The following KCNT1 variants were observed in gnomAD, a reference collection of about 807,000 sequenced individuals.
KCNT1 encodes potassium sodium-activated channel subfamily T member 1, also known as potassium channel subfamily T member 1.
KCNT1 carries 78 observed loss-of-function variants against 147.8 expected under a neutral mutation model. The ratio of observed to expected loss-of-function variants is 0.53; its 90% CI spans 0.44 to 0.64. The LOEUF (loss-of-function observed/expected upper bound fraction) is 0.64, where lower values mean the gene tolerates loss of function less well. Among genes scored for constraint, KCNT1 ranks in the 30% least tolerant of loss-of-function variants. The pLI is 0.00. For synonymous variants in KCNT1, 867 were observed against 748.8 expected (o/e 1.16, Z -2.58); for missense variants, 1,419 against 1,750.3 (o/e 0.81, Z 3.38).
At chr9:135,720,586 G>A (rs370339962) in intron 2 of KCNT1, among the ~76,000 whole-genome samples, 203 of 152,166 alleles carry the variant, frequency 1.3e-3, no homozygotes, top group African/African-American at 4.6e-3. Context: ...GAAGAAGCAG[G>A]GGGCCCAGGC....
At chr9:135,747,584 C>G (rs551348751) in intron 2 of KCNT1, among the ~76,000 whole-genome samples, 1 of 152,286 alleles carries the variant, frequency 6.6e-6, no homozygotes, top group African/African-American at 2.4e-5. Flanking sequence ...GGACAGACCC[C>G]CCAAAGAGAC....
In KCNT1 at chr9:135,714,530, G is replaced by T. The variant is rs1302498376; in HGVS notation, c.111-47G>T. ...GGCGGGCCGGGGGCTGCGCGCGTCC[G>T]CGAGGGCGCCCGACGCGGGCTGAGG... is the stretch of plus-strand genomic sequence containing the variant. On this transcript the variant is annotated intron_variant, in intron 1 of 30. Transcript: ENST00000371757. This position sits in a 1 kb window ranked among gnomAD's most constrained non-coding sequence, Gnocchi z 6.2. 7 of 1,016,858 alleles carry T rather than the reference G, an allele frequency of 6.9e-6. No homozygotes were observed. Among genetic ancestry groups the T allele is most frequent in the Non-Finnish European group, 8.2e-6 (7 of 851,518 alleles). 63.0% of individuals were successfully genotyped at this position (1,016,858 alleles called of 1,614,324 possible).
At chr9:135,778,911 G>C (rs540073364) in intron 23 of KCNT1, 89 bp downstream of exon 23, 3 of 1,435,234 alleles carry the variant, frequency 2.1e-6, no homozygotes, top group Non-Finnish European at 2.8e-6. Flanking sequence ...CCACGACCAC[G>C]GGCCCTCGCC....
chr9:135,732,024 A>AGAGAGAGGGAGG (rs1554766189), intron 2 of KCNT1, among the ~76,000 whole-genome samples: 16 of 65,116 alleles, frequency 2.5e-4, no homozygotes, highest in Non-Finnish European at 3.5e-4. Flanking sequence ...AGAGAGAGAG[A>AGAGAGAGGGAGG]GAGAGAGAGA....
chr9:135,763,487 C>A (rs1199591631), intron 11 of KCNT1, among the ~76,000 whole-genome samples: 1 of 152,206 alleles, frequency 6.6e-6, no homozygotes, highest in Non-Finnish European at 1.5e-5. Context: ...TATGTATCCT[C>A]CGCCAGCCCT....
rs188552809 is a variant in KCNT1 at position 135,713,979 on chromosome 9, C to G, written c.111-598C>G. On this transcript the variant is annotated intron_variant, in intron 1 of 30. Transcript: ENST00000371757. The stretch of plus-strand genomic sequence containing the variant: ...GGGCCCAGAGGGCCTGGCAGCCCCC[C>G]GGGGTTCTGACCTGAGCTGAGCTGC... 4.3e-3 allele frequency among the ~76,000 whole-genome samples: 649 copies of G among 152,256 alleles called. 2 individuals carry two copies. The highest frequency in any genetic ancestry group is 0.013 in the African/African-American group (554 of 41,550).
At position 135,746,056 on chromosome 9, in the gene KCNT1, C is replaced by T. The variant is rs145672428; in HGVS notation, c.255-4042C>T. ...CGTGACTCGTGAAGACAGATCGCAC[C>T]AGTCACCTGAAATACACTGCAGGGG... On this transcript the variant is annotated intron_variant, in intron 2 of 30. Transcript: ENST00000371757. 3.0e-3 allele frequency among the ~76,000 whole-genome samples: 460 copies of T among 152,394 alleles called. 2 individuals are homozygous for T. The highest frequency in any genetic ancestry group is 6.8e-3 in the Middle Eastern group (2 of 294).
chr9:135,775,962 A>G (rs1377242664), intron 20 of KCNT1, among the ~76,000 whole-genome samples: 8 of 151,198 alleles, frequency 5.3e-5, no homozygotes, highest in Admixed American at 4.6e-4. Flanking sequence ...ATATTTTTGC[A>G]GAGCAGGGAC....
intron 19 of KCNT1, among the ~76,000 whole-genome samples, chr9:135,774,033 C>T (rs190293082): frequency 0.012 from 1,727 of 145,244 alleles, 15 homozygotes; most frequent in Non-Finnish European, 0.019. Flanking sequence ...GGGGTGTGTC[C>T]GGTGTGTGTG....
Position 135,792,360 on chromosome 9 carries a change from T to G in KCNT1, c.*199T>G, listed in dbSNP as rs948736480. 2 of 593,502 alleles carry G rather than the reference T, an allele frequency of 3.4e-6. No individual in the cohort carries two copies. The highest frequency in any genetic ancestry group is 3.2e-5 in the Admixed American group (1 of 31,192). 36.8% of individuals were successfully genotyped at this position (593,502 alleles called of 1,614,324 possible). A position where few individuals can be genotyped will look rare whatever the true frequency, so the allele number is the denominator to read the frequency against. On this transcript the variant is annotated 3_prime_UTR_variant, in exon 31 of 31. Coordinates refer to ENST00000371757, the MANE Select transcript of KCNT1 (RefSeq NM_020822.3). ...TCACCCCTGGGCACCTGCAGGCTAG[T>G]GAGGAGAGTTTTTTAACCTATTTTT... is the stretch of plus-strand genomic sequence containing the variant.
Position 135,772,720 on chromosome 9 carries a change from G to A in KCNT1, c.2014G>A (p.Val672Met), listed in dbSNP as rs1228569469. The change falls in exon 19 of 31, where the codon GTG becomes ATG. Residue 672 changes from valine to methionine, a missense_variant. Around this residue, in one of 5 missense-constraint regions of KCNT1, gnomAD observed 284 missense variants for 292.8 expected, o/e 0.97. Coordinates refer to ENST00000371757, the MANE Select transcript of KCNT1 (RefSeq NM_020822.3). ...VHSIIASMGT[V>M]AMDLQGTEHR... is the part of the protein sequence containing the mutation. ...AGCACAGGGCTCTCTTCCAGGGACA[G>A]TGGCCATGGACCTGCAGGGCACAGA... is the stretch of plus-strand genomic sequence containing the variant. 2.1e-6 allele frequency: 3 copies of A among 1,397,750 alleles called. No homozygotes were observed. Among genetic ancestry groups the A allele is most frequent in the Non-Finnish European group, 2.8e-6 (3 of 1,072,544 alleles). The allele number at this position is 1,397,750 out of a possible 1,614,324, so 86.6% of individuals were successfully genotyped here.
At chr9:135,775,703 T>A (rs949041229) in intron 20 of KCNT1, among the ~76,000 whole-genome samples, 1 of 152,120 alleles carries the variant, frequency 6.6e-6, no homozygotes, top group Admixed American at 6.6e-5. Flanking sequence ...TTTCCCCTAA[T>A]ACATCTACAT....
intron 1 of KCNT1, among the ~76,000 whole-genome samples, chr9:135,710,620 C>G (rs1367272094): frequency 1.3e-5 from 2 of 152,312 alleles, no homozygotes; most frequent in East Asian, 3.9e-4. Flanking sequence ...TGTGTCTCCC[C>G]ACTCTCTGTC....
At chr9:135,716,887 G>A (rs552808317) in intron 2 of KCNT1, among the ~76,000 whole-genome samples, 1 of 152,206 alleles carries the variant, frequency 6.6e-6, no homozygotes, top group Non-Finnish European at 1.5e-5. Context: ...TTAGAGCTTC[G>A]GGGCTGTGTG....
intron 4 of KCNT1, among the ~76,000 whole-genome samples, chr9:135,753,167 G>A (rs1831289549): frequency 1.3e-5 from 2 of 152,140 alleles, no homozygotes; most frequent in Admixed American, 6.5e-5. Context: ...AAAGATGGAT[G>A]GGTGGATGGA....
At chr9:135,711,237 G>C (rs1448140900) in intron 1 of KCNT1, among the ~76,000 whole-genome samples, 1 of 152,206 alleles carries the variant, frequency 6.6e-6, no homozygotes, top group Non-Finnish European at 1.5e-5. Context: ...AGCCTTTGGC[G>C]GGAGAAGCTT....
In KCNT1 at chr9:135,784,077, C is replaced by T. The variant is rs776550763; in HGVS notation, c.2895C>T (p.Ala965=). The T allele has an allele frequency of 6.8e-6, 11 of 1,606,066 alleles. No homozygotes were observed. Among genetic ancestry groups the T allele is most frequent in the South Asian group, 2.2e-5 (2 of 91,086 alleles). ...NLAFMFRLPF[A]AGRVFSISML... is the part of the protein sequence containing the mutation. ...CCTTCATGTTCCGCCTGCCGTTCGC[C>T]GCCGGCCGCGTCTTCAGCATCAGCA... The change falls in exon 25 of 31, where the codon GCC becomes GCT. Residue 965 remains alanine, a synonymous_variant. Coordinates refer to ENST00000371757, the MANE Select transcript of KCNT1 (RefSeq NM_020822.3).
rs1317190673 is a variant in KCNT1 at position 135,770,861 on chromosome 9, G to A, written c.1774G>A (p.Gly592Ser). 6.4e-7 allele frequency: 1 copy of A among 1,567,534 alleles called. No homozygotes were observed. The highest frequency in any genetic ancestry group is 8.7e-7 in the Non-Finnish European group (1 of 1,155,250). Residue 592 changes from glycine (G) to serine (S), a missense_variant, in exon 18 of 31, where the codon GGC becomes AGC. Gly to Ser is a moderately conservative substitution (Grantham distance 56). Around this residue, in one of 5 missense-constraint regions of KCNT1, gnomAD observed 284 missense variants for 292.8 expected, o/e 0.97. Transcript: ENST00000371757. ...YAAFHAHKKY[G>S]VCLIGLKRED... ...GTTGCCGGTGCCTCTGCCCAGGTAT[G>A]GCGTGTGCCTCATCGGGCTGAAGCG...
At chr9:135,783,319 A>C (rs1161864966) in intron 24 of KCNT1, among the ~76,000 whole-genome samples, 1 of 152,224 alleles carries the variant, frequency 6.6e-6, no homozygotes, top group Non-Finnish European at 1.5e-5. Flanking sequence ...CGGCCAGCTC[A>C]GAAGAGGGAA....
Sources: gnomAD v4.1 joint callset for allele counts (sites outside exome capture counted in the v4.1 genomes callset) on GRCh38, gnomAD v4.1.1 for gene constraint, gnomAD v4.1.1 regional missense constraint, Gnocchi (gnomAD v3.1) non-coding constraint, MANE v1.5 for transcripts, NCBI Gene and HGNC (gene_info 2026-07-23, HGNC 2026-07-21) for gene names.